The following SH3PXD2B variants were observed in gnomAD, a reference collection of about 807,000 sequenced individuals.
The protein encoded by SH3PXD2B is SH3 and PX domain-containing protein 2B.
A neutral mutation model predicts 73.1 loss-of-function variants in SH3PXD2B; 37 were observed. That is an observed-to-expected ratio of 0.51 (90% CI 0.39 to 0.67). SH3PXD2B has a LOEUF of 0.67. Ranked by LOEUF, SH3PXD2B falls within the 30% of genes least tolerant of loss-of-function variation. The pLI is 0.00. For missense variants in SH3PXD2B, 1,053 were observed against 1,197.8 expected (o/e 0.88, Z 1.78); for synonymous variants, 457 against 480.5 (o/e 0.95, Z 0.64).
At chr5:172,423,869 T>C (rs1337475056) in intron 1 of SH3PXD2B, among the ~76,000 whole-genome samples, 3 of 152,082 alleles carry the variant, frequency 2.0e-5, no homozygotes, top group Non-Finnish European at 4.4e-5. Context: ...TCTCGAACTC[T>C]TGACCTCAAG....
At chr5:172,409,289 G>C (rs1042291319) in intron 2 of SH3PXD2B, among the ~76,000 whole-genome samples, 3 of 152,098 alleles carry the variant, frequency 2.0e-5, no homozygotes, top group African/African-American at 7.2e-5. Context: ...GACTGAGGCA[G>C]GAGAATTGCT....
chr5:172,415,329 A>G (rs1758794804), intron 2 of SH3PXD2B, among the ~76,000 whole-genome samples: 1 of 152,308 alleles, frequency 6.6e-6, no homozygotes, highest in Admixed American at 6.5e-5. Context: ...CCTGTATCTT[A>G]GAGGGAGGAG....
chr5:172,362,808 G>A lies in SH3PXD2B; in HGVS notation c.489C>T (p.Tyr163=), dbSNP rs139560429. The A allele has an allele frequency of 1.7e-5, 28 of 1,614,120 alleles. No individual in the cohort carries two copies. The African/African-American group carries it at 2.5e-4, about 15-fold the overall frequency. The change falls in exon 7 of 13, where the codon TAC becomes TAT. Residue 163 remains tyrosine (Y), a synonymous_variant. Coordinates refer to ENST00000311601, the MANE Select transcript of SH3PXD2B (RefSeq NM_001017995.3). ...TGATCTCCGAACTCTCCTGCTTCTG[G>A]TAGTTGGCTACCACCACATACTGCT... The part of the protein sequence containing the change: ...VLEQYVVVAN[Y]QKQESSEISL...
intron 6 of SH3PXD2B, among the ~76,000 whole-genome samples, chr5:172,371,409 GA>G (rs956442460): frequency 5.9e-5 from 9 of 152,188 alleles, no homozygotes; most frequent in African/African-American, 1.7e-4. Flanking sequence ...CCATGACTGG[GA>G]AACGCCAGAG....
At chr5:172,351,852 T>G (rs1326779920) in intron 9 of SH3PXD2B, among the ~76,000 whole-genome samples, 1 of 152,136 alleles carries the variant, frequency 6.6e-6, no homozygotes, top group Non-Finnish European at 1.5e-5. Context: ...TGTCTATCAA[T>G]CTTAAAATAT....
intron 2 of SH3PXD2B, among the ~76,000 whole-genome samples, chr5:172,418,829 A>G (rs1024441924): frequency 1.8e-4 from 28 of 152,236 alleles, no homozygotes; most frequent in Non-Finnish European, 1.5e-5. Context: ...ATTACCGATT[A>G]TGCTGAGCAT....
At chr5:172,443,780 G>A (rs1384464298) in intron 1 of SH3PXD2B, among the ~76,000 whole-genome samples, 1 of 152,258 alleles carries the variant, frequency 6.6e-6, no homozygotes, top group Non-Finnish European at 1.5e-5. Context: ...AGCACAGCGG[G>A]CGGGGGGCCA....
chr5:172,360,147 A>T (rs764488084), intron 7 of SH3PXD2B, among the ~76,000 whole-genome samples: 5 of 152,166 alleles, frequency 3.3e-5, no homozygotes, highest in Non-Finnish European at 7.3e-5. Flanking sequence ...TGGCTCATGC[A>T]TGGTGGGTCT....
At chr5:172,344,986 G>A (rs1253977263) in intron 12 of SH3PXD2B, among the ~76,000 whole-genome samples, 1 of 149,066 alleles carries the variant, frequency 6.7e-6, no homozygotes, top group Non-Finnish European at 1.5e-5. Flanking sequence ...AAAGAAAGAA[G>A]GAGGAAGGAG....
intron 8 of SH3PXD2B, among the ~76,000 whole-genome samples, chr5:172,354,219 C>T (rs1340303299): frequency 7.2e-6 from 1 of 139,694 alleles, no homozygotes; most frequent in Non-Finnish European, 1.6e-5. Flanking sequence ...AACTCCTCAG[C>T]GCCACACACT....
chr5:172,369,473 T>G (rs1028985051), intron 6 of SH3PXD2B, among the ~76,000 whole-genome samples: 1 of 152,018 alleles, frequency 6.6e-6, no homozygotes, highest in South Asian at 2.1e-4. Context: ...GAAGGAACAG[T>G]TTAAAACTCA....
At chr5:172,343,012 T>C (rs929282104) in intron 12 of SH3PXD2B, among the ~76,000 whole-genome samples, 1 of 152,158 alleles carries the variant, frequency 6.6e-6, no homozygotes, top group African/African-American at 2.4e-5. Context: ...AGGAAAATGG[T>C]AAGAACAATT....
intron 3 of SH3PXD2B, among the ~76,000 whole-genome samples, chr5:172,396,416 T>C (rs958589999): frequency 1.3e-5 from 2 of 151,600 alleles, no homozygotes; most frequent in Admixed American, 6.6e-5. Flanking sequence ...AATTTTCATA[T>C]GACAGAACTG....
At chr5:172,386,412 G>T (rs1758061378) in intron 4 of SH3PXD2B, among the ~76,000 whole-genome samples, 1 of 152,120 alleles carries the variant, frequency 6.6e-6, no homozygotes, top group African/African-American at 2.4e-5. Context: ...GAAGGTTCAT[G>T]TTTTCTCAAT....
intron 6 of SH3PXD2B, among the ~76,000 whole-genome samples, chr5:172,364,662 C>T (rs1389263932): frequency 2.0e-5 from 3 of 151,476 alleles, no homozygotes; most frequent in Non-Finnish European, 4.4e-5. Flanking sequence ...AAAACTCCGT[C>T]CTCCGCTCCC....
At chr5:172,442,237 A>T (rs932248621) in intron 1 of SH3PXD2B, among the ~76,000 whole-genome samples, 6 of 152,252 alleles carry the variant, frequency 3.9e-5, no homozygotes, top group African/African-American at 1.4e-4. Context: ...CTGCACGGTC[A>T]GAGGTCTTAA....
chr5:172,432,987 TAC>T (rs371432230), intron 1 of SH3PXD2B, among the ~76,000 whole-genome samples: 202 of 149,970 alleles, frequency 1.3e-3, no homozygotes, highest in African/African-American at 4.3e-3. Context: ...TGTGTGTCTG[TAC>T]ACACACACAC....
chr5:172,353,940 C>T lies in SH3PXD2B; in HGVS notation c.733G>A (p.Gly245Arg). The change falls in exon 9 of 13, where the codon GGG (glycine) becomes AGG (arginine). Residue 245 changes from glycine to arginine, a missense_variant. Gly to Arg is a moderately radical substitution (Grantham distance 125). Around this residue, in one of 2 missense-constraint regions of SH3PXD2B, gnomAD observed 466 missense variants for 607.1 expected, o/e 0.77. Coordinates refer to ENST00000311601, the MANE Select transcript of SH3PXD2B (RefSeq NM_001017995.3). The surrounding 1 kb of genome is among the most constrained non-coding windows in gnomAD (Gnocchi z 4.3). Reference sequence around the variant, plus strand: ...TTCTGGATGACCTCCACCACAGCCCCTCTCTCCAGGTTCATTTCATCCTGG... The same window carrying T: ...TTCTGGATGACCTCCACCACAGCCCTTCTCTCCAGGTTCATTTCATCCTGG... ...RDQDEMNLER[G>R]AVVEVIQKNL... The T allele has an allele frequency of 1.9e-6, 3 of 1,614,132 alleles. No individual in the cohort carries two copies. Among genetic ancestry groups the T allele is most frequent in the Non-Finnish European group, 2.5e-6 (3 of 1,180,028 alleles).
chr5:172,335,438 A>ACCCAAACAAAC lies in SH3PXD2B; in HGVS notation c.*2930_*2931insGTTTGTTTGGG, dbSNP rs386405693. 6.3e-4 allele frequency: 772 copies of ACCCAAACAAAC among 1,229,280 alleles called. 1 individual carries two copies. The highest frequency in any genetic ancestry group is 7.5e-4 in the Non-Finnish European group (741 of 987,134). The allele number at this position is 1,229,280 out of a possible 1,614,324, so 76.1% of individuals were successfully genotyped here. On this transcript the variant is annotated 3_prime_UTR_variant, in exon 13 of 13. Coordinates refer to ENST00000311601, the MANE Select transcript of SH3PXD2B (RefSeq NM_001017995.3). Reference sequence around the variant, plus strand: ...CGAGGGAAAGAACAACAACAACAAAACCAAACAAACCCAAACTCGAGATCT... The same window carrying ACCCAAACAAAC: ...CGAGGGAAAGAACAACAACAACAAAACCCAAACAAACCCAAACAAACCCAAACTCGAGATCT...
Sources: allele counts gnomAD v4.1 joint callset (sites outside exome capture counted in the v4.1 genomes callset), GRCh38; gene constraint gnomAD v4.1.1; regional missense constraint gnomAD v4.1.1; non-coding constraint Gnocchi (gnomAD v3.1); transcripts MANE v1.5; gene names NCBI Gene and HGNC (gene_info 2026-07-23, HGNC 2026-07-21).